PRLHR: variants seen among roughly 807,000 people sequenced by gnomAD.
The protein encoded by PRLHR is prolactin-releasing peptide receptor.
A neutral mutation model predicts 9.3 loss-of-function variants in PRLHR; 10 were observed. The observed-to-expected ratio is 1.08, with a 90% CI of 0.66 to 1.82. The LOEUF (loss-of-function observed/expected upper bound fraction) is 1.82. Among genes scored for constraint, PRLHR ranks in the 40% most tolerant of loss-of-function variants. PRLHR has a pLI of 0.00. For synonymous variants in PRLHR, 261 were observed against 249.3 expected (o/e 1.05, Z -0.44); for missense variants, 589 against 512.0 (o/e 1.15, Z -1.45).
In PRLHR at chr10:118,591,553, G is replaced by C. The variant is rs540289502; in HGVS notation, c.*2579C>G. 3 of 152,226 alleles carry C rather than the reference G, an allele frequency of 2.0e-5. No homozygotes were observed. In the South Asian group the frequency reaches 6.2e-4, roughly 32 times the overall value. The allele number at this position is 152,226 out of a possible 1,614,324, so 9.4% of individuals were successfully genotyped here. A position where few individuals can be genotyped will look rare whatever the true frequency, so the allele number is the denominator to read the frequency against. ...TAATTTGCCTCTTTGTGATTGAGCT[G>C]GTATTGCCTGAAGACTAAAAGAGTA... On this transcript the variant is annotated 3_prime_UTR_variant, in exon 2 of 2. Transcript: ENST00000239032.
Position 118,594,277 on chromosome 10 carries a change from A to G in PRLHR, c.968T>C (p.Leu323Pro). ...GTTGTAGCAGGCCGAACTCATGGCG[A>G]GCCAGTGGCAGAGCAGCTGCACCAG... ...FGLVQLLCHW[L>P]AMSSACYNPF... is the part of the protein sequence containing the mutation. Residue 323 changes from leucine to proline, a missense_variant, in exon 2 of 2, where the codon CTC becomes CCC. Coordinates refer to ENST00000239032, the MANE Select transcript of PRLHR (RefSeq NM_004248.3). The G allele has an allele frequency of 6.2e-7, 1 of 1,605,252 alleles. No homozygotes were observed. Among genetic ancestry groups the G allele is most frequent in the South Asian group, 1.1e-5 (1 of 90,028 alleles).
In PRLHR at chr10:118,595,234, G is replaced by A. The variant is rs571119479; in HGVS notation, c.11C>T (p.Ser4Leu). MAS[S>L]TTRGPRVSDL... Reference sequence around the variant, plus strand: ...AGAAACCCTGGGGCCCCGAGTGGTCGATGAGGCCATGGCCACCTGTTCAAA... The same window carrying A: ...AGAAACCCTGGGGCCCCGAGTGGTCAATGAGGCCATGGCCACCTGTTCAAA... Residue 4 changes from serine (S) to leucine (L), a missense_variant, in exon 2 of 2, where the codon TCG (serine) becomes TTG (leucine). Physicochemically the swap from Ser to Leu is moderately radical, Grantham distance 145 (BLOSUM62 -2). Transcript: ENST00000239032. 8 of 1,530,422 alleles carry A rather than the reference G, an allele frequency of 5.2e-6. No homozygotes were observed. In the South Asian group the frequency reaches 8.6e-5, roughly 16 times the overall value. 94.8% of individuals were successfully genotyped at this position (1,530,422 alleles called of 1,614,324 possible).
Position 118,594,381 on chromosome 10 carries a change from G to T in PRLHR, c.864C>A (p.Ala288=), listed in dbSNP as rs1213649886. ...AGACGTGCAGCGGCAGCCAGCAGAC[G>T]GCGAACACCACCACGATCACCACCA... The part of the protein sequence containing the change: ...CLLVVIVVVF[A]VCWLPLHVFN... The change falls in exon 2 of 2, where the codon GCC becomes GCA. Residue 288 remains alanine (A), a synonymous_variant. Coordinates refer to ENST00000239032, the MANE Select transcript of PRLHR (RefSeq NM_004248.3). 1 of 1,599,928 alleles carries T rather than the reference G, an allele frequency of 6.3e-7. No individual in the cohort carries two copies. The highest frequency in any genetic ancestry group is 1.1e-5 in the South Asian group (1 of 90,992).
At position 118,594,317 on chromosome 10, in the gene PRLHR, G is replaced by A. The variant is rs749626114; in HGVS notation, c.928C>T (p.Pro310Ser). The A allele has an allele frequency of 6.2e-7, 1 of 1,602,030 alleles. No homozygotes were observed. The highest frequency in any genetic ancestry group is 2.2e-5 in the East Asian group (1 of 44,794). Residue 310 changes from proline to serine, a missense_variant, in exon 2 of 2, where the codon CCT (proline) becomes TCT (serine). Transcript: ENST00000239032. ...LRDLDPHAID[P>S]YAFGLVQLLC... ...AGCTGCACCAGCCCAAAGGCGTAAG[G>A]GTCGATGGCGTGGGGGTCGAGGTCC...
rs1368481719 is a variant in PRLHR, at chr10:118,594,778, G to A, written c.467C>T (p.Ala156Val). 6.2e-7 allele frequency: 1 copy of A among 1,611,420 alleles called. No individual in the cohort carries two copies. The highest frequency in any genetic ancestry group is 1.3e-5 in the African/African-American group (1 of 74,940). The change falls in exon 2 of 2, where the codon GCA becomes GTA. Residue 156 changes from alanine (A) to valine (V), a missense_variant. Ala to Val is a moderately conservative substitution (Grantham distance 64, BLOSUM62 0). Coordinates refer to ENST00000239032, the MANE Select transcript of PRLHR (RefSeq NM_004248.3). ...YVSVFTLTTI[A>V]VDRYVVLVHP... The stretch of plus-strand genomic sequence containing the variant: ...CACCAGCACGACGTAGCGGTCCACT[G>A]CGATGGTGGTGAGCGTGAACACCGA...
At position 118,594,417 on chromosome 10, in the gene PRLHR, G is replaced by C; in HGVS notation, c.828C>G (p.Thr276=). Residue 276 remains threonine, a synonymous_variant, in exon 2 of 2, where the codon ACC becomes ACG. Transcript: ENST00000239032. ...CCACGATCACCACCAGCAAGCAGAAGGTGCGCCGGCGCCGAGCGCGGTCCC... is the reference window on the plus strand; with the variant it reads ...CCACGATCACCACCAGCAAGCAGAACGTGCGCCGGCGCCGAGCGCGGTCCC... The part of the protein sequence containing the change: ...ADWDRARRRR[T]FCLLVVIVVV... 6.2e-7 allele frequency: 1 copy of C among 1,600,582 alleles called. No homozygotes were observed. Among genetic ancestry groups the C allele is most frequent in the Non-Finnish European group, 8.5e-7 (1 of 1,179,642 alleles).
In PRLHR at chr10:118,594,410, A is replaced by T. The variant is rs1286599724; in HGVS notation, c.835T>A (p.Leu279Met). 2 of 1,600,228 alleles carry T rather than the reference A, an allele frequency of 1.2e-6. No homozygotes were observed. The highest frequency in any genetic ancestry group is 2.2e-5 in the South Asian group (2 of 91,012). ...AACACCACCACGATCACCACCAGCA[A>T]GCAGAAGGTGCGCCGGCGCCGAGCG... Reference protein sequence around the residue: ...DRARRRRTFCLLVVIVVVFAV... With the variant: ...DRARRRRTFCMLVVIVVVFAV... The change falls in exon 2 of 2, where the codon TTG becomes ATG. Residue 279 changes from leucine (L) to methionine (M), a missense_variant. By Grantham distance (15) the Leu-to-Met change is conservative. Transcript: ENST00000239032.
chr10:118,594,140 C>T lies in PRLHR; in HGVS notation c.1105G>A (p.Val369Ile), dbSNP rs1344538785. ...PHGQNMTVSVVI is the reference protein window; with the variant it reads ...PHGQNMTVSVII ...GGCCTGGCTAAGTGGCATCAGATGA[C>T]CACGCTGACGGTCATATTCTGGCCA... Residue 369 changes from valine to isoleucine, a missense_variant, in exon 2 of 2, where the codon GTC becomes ATC. Coordinates refer to ENST00000239032, the MANE Select transcript of PRLHR (RefSeq NM_004248.3). The T allele has an allele frequency of 6.6e-7, 1 of 1,521,154 alleles. No homozygotes were observed. The highest frequency in any genetic ancestry group is 2.3e-5 in the East Asian group (1 of 43,844). 94.2% of individuals were successfully genotyped at this position (1,521,154 alleles called of 1,614,324 possible). A position where few individuals can be genotyped will look rare whatever the true frequency, so the allele number is the denominator to read the frequency against.
rs1844485050 is a variant in PRLHR, at chr10:118,595,248, C to A, written c.-4G>T. 1.3e-6 allele frequency: 2 copies of A among 1,518,338 alleles called. No individual in the cohort carries two copies. Among genetic ancestry groups the A allele is most frequent in the South Asian group, 1.3e-5 (1 of 79,574 alleles). 94.1% of individuals were successfully genotyped at this position (1,518,338 alleles called of 1,614,324 possible). Reference sequence around the variant, plus strand: ...CCCGAGTGGTCGATGAGGCCATGGCCACCTGTTCAAAGGTAATCAAAGTCC... The same window carrying A: ...CCCGAGTGGTCGATGAGGCCATGGCAACCTGTTCAAAGGTAATCAAAGTCC... On this transcript the variant is annotated splice_region_variant and 5_prime_UTR_variant, in exon 2 of 2. Transcript: ENST00000239032.
chr10:118,590,117 C>T lies in PRLHR; in HGVS notation c.*4015G>A, dbSNP rs1281377372. The stretch of plus-strand genomic sequence containing the variant: ...TTTACACACATAGCAAAGACATCAA[C>T]GCATGAAGGTAAATCAATCAAGAAC... On this transcript the variant is annotated 3_prime_UTR_variant, in exon 2 of 2. Transcript: ENST00000239032. 6.6e-6 allele frequency: 1 copy of T among 152,198 alleles called. No individual in the cohort carries two copies. The allele number at this position is 152,198 out of a possible 1,614,324, so 9.4% of individuals were successfully genotyped here. A position where few individuals can be genotyped will look rare whatever the true frequency, so the allele number is the denominator to read the frequency against.
Position 118,591,934 on chromosome 10 carries a change from A to G in PRLHR, c.*2198T>C, listed in dbSNP as rs1344774291. ...CTGGTCTCAAACTCCTGACCTTGTG[A>G]TCTGCCTGCCTCGGTCCCCCAAAAT... On this transcript the variant is annotated 3_prime_UTR_variant, in exon 2 of 2. Coordinates refer to ENST00000239032, the MANE Select transcript of PRLHR (RefSeq NM_004248.3). The G allele has an allele frequency of 6.6e-6, 1 of 152,030 alleles. No homozygotes were observed. Among genetic ancestry groups the G allele is most frequent in the Non-Finnish European group, 1.5e-5 (1 of 68,016 alleles). The allele number at this position is 152,030 out of a possible 1,614,324, so 9.4% of individuals were successfully genotyped here.
At chr10:118,595,386 A>C in intron 1 of PRLHR, 130 bp downstream of exon 1, 3 of 757,688 alleles carry the variant, frequency 4.0e-6, no homozygotes, top group Non-Finnish European at 6.2e-6. Context: ...AAAAGTAGCA[A>C]AAAGTGTTGT....
Position 118,594,381 on chromosome 10 carries a change from G to A in PRLHR, c.864C>T (p.Ala288=), listed in dbSNP as rs1213649886. Residue 288 remains alanine (A), a synonymous_variant, in exon 2 of 2, where the codon GCC becomes GCT. Transcript: ENST00000239032. The stretch of plus-strand genomic sequence containing the variant: ...AGACGTGCAGCGGCAGCCAGCAGAC[G>A]GCGAACACCACCACGATCACCACCA... The part of the protein sequence containing the change: ...CLLVVIVVVF[A]VCWLPLHVFN... 4 of 1,599,928 alleles carry A rather than the reference G, an allele frequency of 2.5e-6. No individual in the cohort carries two copies. Among genetic ancestry groups the A allele is most frequent in the African/African-American group, 1.3e-5 (1 of 74,932 alleles).
rs548398963 is a variant in PRLHR, at chr10:118,595,056, G to A, written c.189C>T (p.Ile63=). 1.9e-6 allele frequency: 3 copies of A among 1,607,090 alleles called. No individual in the cohort carries two copies. Among genetic ancestry groups the A allele is most frequent in the Non-Finnish European group, 1.7e-6 (2 of 1,175,510 alleles). ...LQLVHQLKGL[I]VLLYSVVVVV... ...CCACCACGACGCTGTAGAGCAGCAC[G>A]ATCAGCCCCTTCAGCTGATGCACCA... The change falls in exon 2 of 2, where the codon ATC becomes ATT. Residue 63 remains isoleucine, a synonymous_variant. Transcript: ENST00000239032.
Position 118,594,404 on chromosome 10 carries a change from C to T in PRLHR, c.841G>A (p.Val281Met), listed in dbSNP as rs772588043. Residue 281 changes from valine to methionine, a missense_variant, in exon 2 of 2, where the codon GTG becomes ATG. Val to Met is a conservative substitution (Grantham distance 21, BLOSUM62 1). Coordinates refer to ENST00000239032, the MANE Select transcript of PRLHR (RefSeq NM_004248.3). Reference sequence around the variant, plus strand: ...ACGGCGAACACCACCACGATCACCACCAGCAAGCAGAAGGTGCGCCGGCGC... The same window carrying T: ...ACGGCGAACACCACCACGATCACCATCAGCAAGCAGAAGGTGCGCCGGCGC... ...ARRRRTFCLL[V>M]VIVVVFAVCW... 6 of 1,600,124 alleles carry T rather than the reference C, an allele frequency of 3.7e-6. No individual in the cohort carries two copies. Among genetic ancestry groups the T allele is most frequent in the Non-Finnish European group, 5.1e-6 (6 of 1,179,686 alleles).
rs748241266 is a variant in PRLHR, at chr10:118,595,173, A to C, written c.72T>G (p.Thr24=). The change falls in exon 2 of 2, where the codon ACT becomes ACG. Residue 24 remains threonine, a synonymous_variant. Coordinates refer to ENST00000239032, the MANE Select transcript of PRLHR (RefSeq NM_004248.3). ...AGGCCTCTGCGCTCTGGTTGGCGGG[A>C]GTTGTGACCGCCGGCGGCAGCCCAG... ...LFSGLPPAVT[T]PANQSAEASA... is the part of the protein sequence containing the mutation. 2 of 1,581,012 alleles carry C rather than the reference A, an allele frequency of 1.3e-6. No individual in the cohort carries two copies. The highest frequency in any genetic ancestry group is 2.3e-5 in the East Asian group (1 of 44,406).
rs1445662871 is a variant in PRLHR at position 118,591,145 on chromosome 10, C to G, written c.*2987G>C. ...TTTGAGACTAGATTTTGCTCTGTCACTGAGACTGGAGTGCAGTGGTGTAAT... is the reference window on the plus strand; with the variant it reads ...TTTGAGACTAGATTTTGCTCTGTCAGTGAGACTGGAGTGCAGTGGTGTAAT... On this transcript the variant is annotated 3_prime_UTR_variant, in exon 2 of 2. Coordinates refer to ENST00000239032, the MANE Select transcript of PRLHR (RefSeq NM_004248.3). The G allele has an allele frequency of 6.6e-6, 1 of 152,040 alleles. No homozygotes were observed. The allele number at this position is 152,040 out of a possible 1,614,324, so 9.4% of individuals were successfully genotyped here.
In PRLHR at chr10:118,593,872, TA is replaced by T. The variant is rs1844454079; in HGVS notation, c.*259del. 4.7e-6 allele frequency: 2 copies of T among 424,806 alleles called. No homozygotes were observed. Among genetic ancestry groups the T allele is most frequent in the Admixed American group, 9.4e-5 (2 of 21,318 alleles). 26.3% of individuals were successfully genotyped at this position (424,806 alleles called of 1,614,324 possible). A position where few individuals can be genotyped will look rare whatever the true frequency, so the allele number is the denominator to read the frequency against. On this transcript the variant is annotated 3_prime_UTR_variant, in exon 2 of 2. Coordinates refer to ENST00000239032, the MANE Select transcript of PRLHR (RefSeq NM_004248.3). The stretch of plus-strand genomic sequence containing the variant: ...AAGTTTTGTTTGTCCTTCAAGGGCA[TA>T]AAGAAGAAATAAGAAATCCTCTTCC...
chr10:118,594,732 G>T lies in PRLHR; in HGVS notation c.513C>A (p.Ile171=). The part of the protein sequence containing the change: ...VVLVHPLRRR[I]SLRLSAYAVL... ...CAGCGTAGGCGCTGAGGCGCAGCGA[G>T]ATGCGCCGCCTCAGCGGGTGCACCA... The change falls in exon 2 of 2, where the codon ATC becomes ATA. Residue 171 remains isoleucine, a synonymous_variant. Transcript: ENST00000239032. 6.2e-7 allele frequency: 1 copy of T among 1,605,290 alleles called. No individual in the cohort carries two copies.
Sources: allele counts gnomAD v4.1 joint callset, GRCh38; gene constraint gnomAD v4.1.1; transcripts MANE v1.5; gene names NCBI Gene and HGNC (gene_info 2026-07-23, HGNC 2026-07-21).